Variants in RBFOX1 observed in about 807,000 individuals in gnomAD.
RBFOX1 encodes RNA binding fox-1 homolog 1.
RBFOX1 carries 8 observed loss-of-function variants against 57.7 expected under a neutral mutation model. The observed-to-expected ratio is 0.14, with a 90% confidence interval of 0.08 to 0.25. RBFOX1 has a LOEUF of 0.25. Ranked by LOEUF, RBFOX1 falls within the 10% of genes least tolerant of loss-of-function variation. RBFOX1 has a pLI of 1.00. For missense variants in RBFOX1, 611 were observed against 548.5 expected (o/e 1.11, Z -1.14); for synonymous variants, 326 against 222.4 (o/e 1.47, Z -4.15).
chr16:6,861,368 A>G (rs955680073), intron 3 of RBFOX1, among the ~76,000 whole-genome samples: 2 of 152,094 alleles, frequency 1.3e-5, no homozygotes, highest in Admixed American at 6.6e-5. Context: ...AGTACCCTCA[A>G]TCTACAAGAC....
At chr16:7,292,400 G>GTAATGTATTATATTATATATA (rs1463007772) in intron 4 of RBFOX1, among the ~76,000 whole-genome samples, 1 of 136,578 alleles carries the variant, frequency 7.3e-6, no homozygotes, top group Non-Finnish European at 1.5e-5. Flanking sequence ...TATATAATAT[G>GTAATGTATTATATTATATATA]TAATGTATTA....
chr16:6,454,750 T>TGAGTGAGAA (rs1243366115), intron 2 of RBFOX1, among the ~76,000 whole-genome samples: 9 of 152,038 alleles, frequency 5.9e-5, no homozygotes, highest in African/African-American at 1.9e-4. Context: ...GAATTGGACT[T>TGAGTGAGAA]GAGTGAGAAG....
At chr16:5,455,450 C>G (rs2068600646) in intron 1 of RBFOX1, among the ~76,000 whole-genome samples, 1 of 152,142 alleles carries the variant, frequency 6.6e-6, no homozygotes, top group African/African-American at 2.4e-5. Context: ...ATCACTCCAC[C>G]TCTTGATAGG....
chr16:6,457,302 C>T (rs1567319388), intron 2 of RBFOX1, among the ~76,000 whole-genome samples: 1 of 151,954 alleles, frequency 6.6e-6, no homozygotes, highest in East Asian at 1.9e-4. Flanking sequence ...ATGGAGTGGC[C>T]ATAGGGTCCC....
intron 3 of RBFOX1, among the ~76,000 whole-genome samples, chr16:5,827,403 G>GAAAAA (rs60597828): frequency 1.5e-5 from 2 of 137,654 alleles, no homozygotes; most frequent in Non-Finnish European, 3.1e-5. Flanking sequence ...CCATCTCAGG[G>GAAAAA]AAAAAAAAAA....
chr16:6,982,322 C>G (rs2089141808), intron 3 of RBFOX1, among the ~76,000 whole-genome samples: 2 of 152,150 alleles, frequency 1.3e-5, no homozygotes, highest in South Asian at 4.1e-4. Context: ...TACAGAAACC[C>G]ATTCCCATTG....
intron 3 of RBFOX1, among the ~76,000 whole-genome samples, chr16:6,864,672 C>A (rs745506371): frequency 6.6e-6 from 1 of 151,772 alleles, no homozygotes; most frequent in Non-Finnish European, 1.5e-5. Context: ...AAATTCCAAA[C>A]TGGCTTTTAA....
intron 4 of RBFOX1, among the ~76,000 whole-genome samples, chr16:5,923,687 A>T (rs1050943106): frequency 1.3e-5 from 2 of 151,964 alleles, no homozygotes; most frequent in Non-Finnish European, 2.9e-5. Context: ...GATTACAGGC[A>T]TGCGCCACCA....
chr16:7,497,391 C>A (rs2069034509), intron 4 of RBFOX1, among the ~76,000 whole-genome samples: 1 of 152,106 alleles, frequency 6.6e-6, no homozygotes, highest in Non-Finnish European at 1.5e-5. Flanking sequence ...ACTGCTACAT[C>A]CTTTAAGAAG....
chr16:6,731,638 C>T (rs962883601), intron 3 of RBFOX1, among the ~76,000 whole-genome samples: 3 of 151,938 alleles, frequency 2.0e-5, no homozygotes, highest in Admixed American at 1.3e-4. Flanking sequence ...GTGTAAACAC[C>T]CCAGCTCCCT....
intron 3 of RBFOX1, among the ~76,000 whole-genome samples, chr16:6,889,729 G>T (rs1355519311): frequency 6.6e-6 from 1 of 152,142 alleles, no homozygotes; most frequent in East Asian, 1.9e-4. Flanking sequence ...AAATTGGTTT[G>T]TGTAATCTTG....
chr16:5,557,121 G>T (rs570399852), intron 2 of RBFOX1, among the ~76,000 whole-genome samples: 1 of 151,894 alleles, frequency 6.6e-6, no homozygotes, highest in East Asian at 1.9e-4. Context: ...TTAGCTGGGC[G>T]TGGTGGCAGG....
At chr16:7,609,021 T>C (rs1281292852) in intron 10 of RBFOX1, among the ~76,000 whole-genome samples, 5 of 152,180 alleles carry the variant, frequency 3.3e-5, no homozygotes, top group Admixed American at 1.3e-4. Flanking sequence ...GAACATGGCA[T>C]GTATTGCTGG....
intron 4 of RBFOX1, among the ~76,000 whole-genome samples, chr16:5,910,596 T>C (rs2058580741): frequency 6.6e-6 from 1 of 152,170 alleles, no homozygotes; most frequent in Non-Finnish European, 1.5e-5. Context: ...GGTGCAGGGC[T>C]AGCAGAGGCA....
intron 3 of RBFOX1, among the ~76,000 whole-genome samples, chr16:7,022,663 C>G (rs972655756): frequency 3.3e-5 from 5 of 152,002 alleles, no homozygotes; most frequent in African/African-American, 1.2e-4. Context: ...CCGTATAGAG[C>G]TGACATGTAG....
rs555040634 is a variant in RBFOX1 at position 7,341,396 on chromosome 16, C to T, written c.28-176751C>T. On this transcript the variant is annotated intron_variant, in intron 4 of 15. Transcript: ENST00000550418. ...ATAATGATTTATCAATCATAGATTTCGTGACTGTTGTCTTGCAAGCTCTGG... is the reference window on the plus strand; with the variant it reads ...ATAATGATTTATCAATCATAGATTTTGTGACTGTTGTCTTGCAAGCTCTGG... Among the ~76,000 whole-genome samples the T allele has an allele frequency of 9.9e-5, 15 of 152,282 alleles. No homozygotes were observed. In the South Asian group the frequency reaches 1.0e-3, roughly 11 times the overall value.
chr16:7,439,681 T>C (rs906609063), intron 4 of RBFOX1, among the ~76,000 whole-genome samples: 5 of 152,222 alleles, frequency 3.3e-5, no homozygotes, highest in Non-Finnish European at 7.3e-5. Flanking sequence ...AAAGGCACTA[T>C]TCATGCAAGT....
At chr16:5,678,635 G>C (rs9927066) in intron 3 of RBFOX1, among the ~76,000 whole-genome samples, 42,640 of 151,880 alleles carry the variant, frequency 0.28, 6,671 homozygotes, top group East Asian at 0.57. Flanking sequence ...AATCTATTAT[G>C]CGGCGTAGGC....
chr16:7,160,652 T>A (rs949754071), intron 4 of RBFOX1, among the ~76,000 whole-genome samples: 1 of 152,198 alleles, frequency 6.6e-6, no homozygotes, highest in Admixed American at 6.5e-5. Context: ...TCCAGTTATG[T>A]CTTTTTGAGG....
Sources: allele counts gnomAD v4.1 joint callset (sites outside exome capture counted in the v4.1 genomes callset), GRCh38; gene constraint gnomAD v4.1.1; transcripts MANE v1.5; gene names NCBI Gene and HGNC (gene_info 2026-07-23, HGNC 2026-07-21).